The following MITF variants were observed in gnomAD, a reference collection of about 807,000 sequenced individuals.
MITF encodes microphthalmia-associated transcription factor.
In MITF, 17 loss-of-function variants were observed where a neutral mutation model predicts 60.5. The observed-to-expected ratio is 0.28, with a 90% confidence interval of 0.19 to 0.42. The LOEUF (loss-of-function observed/expected upper bound fraction) is 0.42. Ranked by LOEUF, MITF falls within the 10% of genes least tolerant of loss-of-function variation. MITF has a pLI of 1.00. For synonymous variants in MITF, 260 were observed against 248.5 expected (o/e 1.05, Z -0.43); for missense variants, 622 against 683.5 (o/e 0.91, Z 1.00).
intron 1 of MITF, among the ~76,000 whole-genome samples, chr3:69,743,445 G>T (rs766303019): frequency 2.0e-5 from 3 of 152,150 alleles, no homozygotes; most frequent in Non-Finnish European, 2.9e-5. Context: ...TTCATATATT[G>T]TTCATTGGGG....
At chr3:69,937,580 G>A (rs567549994) in intron 2 of MITF, among the ~76,000 whole-genome samples, 2 of 152,280 alleles carry the variant, frequency 1.3e-5, no homozygotes, top group African/African-American at 2.4e-5. Flanking sequence ...AGGTTTGAAA[G>A]AGACGTATAG....
At chr3:69,821,678 A>G (rs2063274429) in intron 1 of MITF, among the ~76,000 whole-genome samples, 1 of 42,176 alleles carries the variant, frequency 2.4e-5, no homozygotes, top group Non-Finnish European at 1.1e-4. Flanking sequence ...TTAGAAAAGG[A>G]AAAAAAAAAA....
At chr3:69,868,314 A>G (rs959633473) in intron 1 of MITF, among the ~76,000 whole-genome samples, 1 of 152,150 alleles carries the variant, frequency 6.6e-6, no homozygotes, top group East Asian at 1.9e-4. Flanking sequence ...TAGGTGAAAA[A>G]CCATGCCCAA....
Position 69,965,969 on chromosome 3 carries a change from G to C in MITF, c.*721G>C. On this transcript the variant is annotated 3_prime_UTR_variant, in exon 10 of 10. Transcript: ENST00000352241. ...CTGTTACAGTTTTCTTCATCAATGAGTGTGATCCAGTTTTTCATAAGATAT... is the reference window on the plus strand; with the variant it reads ...CTGTTACAGTTTTCTTCATCAATGACTGTGATCCAGTTTTTCATAAGATAT... The C allele has an allele frequency of 4.3e-6, 1 of 231,848 alleles. No individual in the cohort carries two copies. Among genetic ancestry groups the C allele is most frequent in the Non-Finnish European group, 8.5e-6 (1 of 117,306 alleles). 14.4% of individuals were successfully genotyped at this position (231,848 alleles called of 1,614,324 possible).
rs938144600 is a variant in MITF at position 69,739,476 on chromosome 3, G to A, written c.-122G>A. ...GGGGCGGGCGGCCGCGAGCCGGCGAGCGGGCAGAGCTCGGCACTGCGCCGG... is the reference window on the plus strand; with the variant it reads ...GGGGCGGGCGGCCGCGAGCCGGCGAACGGGCAGAGCTCGGCACTGCGCCGG... On this transcript the variant is annotated 5_prime_UTR_variant, in exon 1 of 10. Coordinates refer to ENST00000352241, the MANE Select transcript of MITF (RefSeq NM_001354604.2). 2.9e-5 allele frequency: 23 copies of A among 805,192 alleles called. No individual in the cohort carries two copies. Among genetic ancestry groups the A allele is most frequent in the East Asian group, 6.3e-5 (2 of 31,592 alleles). 49.9% of individuals were successfully genotyped at this position (805,192 alleles called of 1,614,324 possible).
chr3:69,925,113 A>T (rs1406619669), intron 2 of MITF, among the ~76,000 whole-genome samples: 1 of 152,052 alleles, frequency 6.6e-6, no homozygotes, highest in African/African-American at 2.4e-5. Context: ...AGAGAACATT[A>T]TTTATTTACT....
At chr3:69,787,015 G>A (rs538036966) in intron 1 of MITF, among the ~76,000 whole-genome samples, 31 of 152,190 alleles carry the variant, frequency 2.0e-4, no homozygotes, top group African/African-American at 6.7e-4. Context: ...GTTCCACTTC[G>A]TGATGATAAG....
At chr3:69,828,104 TA>T (rs1484867029) in intron 1 of MITF, among the ~76,000 whole-genome samples, 3 of 111,380 alleles carry the variant, frequency 2.7e-5, no homozygotes, top group Non-Finnish European at 7.2e-5. Flanking sequence ...AGCTAATAAG[TA>T]AATCAGTCAG....
In MITF at chr3:69,941,179, G is replaced by A. The variant is rs1429475788; in HGVS notation, c.667-57G>A. ...AAAAAGACCATGAGTCTCTTTTTAGGTTGTGTTGCATAGTTTATTTATTTT... is the reference window on the plus strand; with the variant it reads ...AAAAAGACCATGAGTCTCTTTTTAGATTGTGTTGCATAGTTTATTTATTTT... On this transcript the variant is annotated intron_variant, in intron 4 of 9. Transcript: ENST00000352241. 3.5e-6 allele frequency: 4 copies of A among 1,152,578 alleles called. No individual in the cohort carries two copies. In the African/African-American group the frequency reaches 4.6e-5, roughly 13 times the overall value. The allele number at this position is 1,152,578 out of a possible 1,614,324, so 71.4% of individuals were successfully genotyped here. A position where few individuals can be genotyped will look rare whatever the true frequency, so the allele number is the denominator to read the frequency against.
chr3:69,792,118 T>G (rs897329293), intron 1 of MITF, among the ~76,000 whole-genome samples: 8 of 152,218 alleles, frequency 5.3e-5, no homozygotes, highest in Non-Finnish European at 8.8e-5. Context: ...ATATGACTAG[T>G]TGATTCCATC....
intron 1 of MITF, among the ~76,000 whole-genome samples, chr3:69,756,446 C>T (rs1704151059): frequency 6.8e-6 from 1 of 146,646 alleles, no homozygotes; most frequent in Non-Finnish European, 1.5e-5. Flanking sequence ...ATCCATGTCC[C>T]TGCAAAGGAC....
chr3:69,785,850 G>GA (rs1444860600), intron 1 of MITF, among the ~76,000 whole-genome samples: 1 of 152,140 alleles, frequency 6.6e-6, no homozygotes, highest in Non-Finnish European at 1.5e-5. Context: ...TTGGGCTAGA[G>GA]AAAAAGAGAT....
chr3:69,936,741 T>C lies in MITF; in HGVS notation c.355-1081T>C. 11 of 1,613,642 alleles carry C rather than the reference T, an allele frequency of 6.8e-6. No individual in the cohort carries two copies. The highest frequency in any genetic ancestry group is 9.3e-6 in the Non-Finnish European group (11 of 1,179,692). On this transcript the variant is annotated intron_variant, in intron 2 of 9. Transcript: ENST00000352241. The stretch of plus-strand genomic sequence containing the variant: ...CATTGTTATGCTGGAAATGCTAGAA[T>C]ATAATCACTATCAGGTGAGATTTAT...
intron 1 of MITF, among the ~76,000 whole-genome samples, chr3:69,808,904 A>G (rs2063056056): frequency 6.6e-6 from 1 of 152,144 alleles, no homozygotes; most frequent in African/African-American, 2.4e-5. Flanking sequence ...GAGATTGAAC[A>G]GGGATGGGTA....
At chr3:69,772,995 G>C (rs945657514) in intron 1 of MITF, among the ~76,000 whole-genome samples, 1 of 152,216 alleles carries the variant, frequency 6.6e-6, no homozygotes, top group Non-Finnish European at 1.5e-5. Context: ...ATGCTGGTAA[G>C]TGTTATAGAG....
At chr3:69,765,513 G>A (rs1384709374) in intron 1 of MITF, among the ~76,000 whole-genome samples, 1 of 152,004 alleles carries the variant, frequency 6.6e-6, no homozygotes, top group African/African-American at 2.4e-5. Context: ...AGATTTCAGA[G>A]GAACCTCTTT....
chr3:69,763,794 C>T (rs980107621), intron 1 of MITF: 12 of 1,363,910 alleles, frequency 8.8e-6, no homozygotes, highest in South Asian at 1.2e-5. Flanking sequence ...TAATGGTTGG[C>T]ATTAATCTTG....
chr3:69,791,644 G>GT (rs577193407), intron 1 of MITF, among the ~76,000 whole-genome samples: 18 of 152,140 alleles, frequency 1.2e-4, no homozygotes, highest in Non-Finnish European at 2.2e-4. Flanking sequence ...AACTGGCACA[G>GT]TTTTTTCTCT....
Position 69,965,041 on chromosome 3 carries a change from C to T in MITF, c.1374C>T (p.Asn458=). The change falls in exon 10 of 10, where the codon AAC becomes AAT. Residue 458 remains asparagine, a synonymous_variant. Transcript: ENST00000352241. ...TCACGGATGGCACCATCACCTTCAACAACAACCTCGGAACTGGGACTGAGG... is the reference window on the plus strand; with the variant it reads ...TCACGGATGGCACCATCACCTTCAATAACAACCTCGGAACTGGGACTGAGG... ...LDLTDGTITF[N]NNLGTGTEAN... is the part of the protein sequence containing the mutation. 1 of 1,614,144 alleles carries T rather than the reference C, an allele frequency of 6.2e-7. No homozygotes were observed. Among genetic ancestry groups the T allele is most frequent in the Non-Finnish European group, 8.5e-7 (1 of 1,180,016 alleles).
Sources: gnomAD v4.1 joint callset for allele counts (sites outside exome capture counted in the v4.1 genomes callset) on GRCh38, gnomAD v4.1.1 for gene constraint, MANE v1.5 for transcripts, NCBI Gene and HGNC (gene_info 2026-07-23, HGNC 2026-07-21) for gene names.